The following GARIN3 variants were observed in gnomAD, a reference collection of about 807,000 sequenced individuals.
GARIN3 encodes the protein Golgi-associated RAB2 interactor protein 3.
the GARIN3 span, chr5:157,163,591 G>T: frequency 6.8e-6 from 11 of 1,614,024 alleles, no homozygotes; most frequent in East Asian, 2.0e-4. Context: ...AGAGGTGGCT[G>T]CAGATACATC....
the GARIN3 span, chr5:157,163,791 C>T: frequency 4.1e-6 from 5 of 1,211,510 alleles, no homozygotes; most frequent in South Asian, 1.6e-5. Flanking sequence ...TGTGGTGGCT[C>T]ACGCCTGTAA....
the GARIN3 span, chr5:157,163,330 G>A: frequency 1.7e-5 from 27 of 1,614,058 alleles, no homozygotes; most frequent in African/African-American, 4.0e-5. Context: ...TCCCGCCAGC[G>A]CTGTGGTCAC....
the GARIN3 span, chr5:157,165,499 G>A: frequency 6.5e-7 from 1 of 1,529,866 alleles, no homozygotes; most frequent in Non-Finnish European, 8.7e-7. Flanking sequence ...GGCTTTGTAG[G>A]ACTGGCTTTG....
the GARIN3 span, chr5:157,163,159 T>C: frequency 6.2e-7 from 1 of 1,614,184 alleles, no homozygotes; most frequent in Non-Finnish European, 8.5e-7. Context: ...CAAGCTGCTG[T>C]CTTGGGAGAG....
the GARIN3 span, chr5:157,165,858 C>A: frequency 6.2e-7 from 1 of 1,614,088 alleles, no homozygotes; most frequent in Non-Finnish European, 8.5e-7. Context: ...CTTGGCAAAC[C>A]GGCCCCATCT....
At chr5:157,162,654 A>G in the GARIN3 span, 30 of 1,614,000 alleles carry the variant, frequency 1.9e-5, 1 homozygote, top group South Asian at 3.1e-4. Flanking sequence ...GGCTCCTTAA[A>G]AAAGAGCTGA....
the GARIN3 span, chr5:157,165,726 C>G: frequency 8.7e-6 from 14 of 1,614,168 alleles, no homozygotes; most frequent in Non-Finnish European, 1.2e-5. Context: ...ATAAAAAGTA[C>G]GGCCAGTGGC....
the GARIN3 span, chr5:157,165,652 AGAC>A: frequency 6.2e-7 from 1 of 1,614,202 alleles, no homozygotes. Flanking sequence ...CTCAGGAGAT[AGAC>A]AAGTTTTTCC....
chr5:157,163,534 G>T, the GARIN3 span: 3 of 1,614,114 alleles, frequency 1.9e-6, no homozygotes, highest in Non-Finnish European at 2.5e-6. Context: ...CGCACTAGCC[G>T]TTCCGTGGGA....
chr5:157,163,457 C>A, the GARIN3 span: 2 of 1,614,226 alleles, frequency 1.2e-6, no homozygotes, highest in Admixed American at 3.3e-5. Context: ...CCTGCCACTG[C>A]CATGCCACCT....
the GARIN3 span, chr5:157,162,482 T>G: frequency 6.2e-7 from 1 of 1,614,116 alleles, no homozygotes; most frequent in Non-Finnish European, 8.5e-7. Flanking sequence ...ATCATCTCCG[T>G]CTTCTCGGAT....
At chr5:157,163,122 C>T in the GARIN3 span, 14 of 1,614,060 alleles carry the variant, frequency 8.7e-6, no homozygotes, top group East Asian at 2.2e-5. Context: ...ACTTGCTGGT[C>T]GTAATACTGC....
chr5:157,162,704 C>G, the GARIN3 span: 35 of 1,614,130 alleles, frequency 2.2e-5, no homozygotes, highest in Non-Finnish European at 2.8e-5. Flanking sequence ...GTGCTAGATG[C>G]AGATTGGTTC....
the GARIN3 span, chr5:157,162,472 A>T: frequency 1.2e-6 from 2 of 1,613,876 alleles, no homozygotes; most frequent in African/African-American, 2.7e-5. Flanking sequence ...TTCAAAGACG[A>T]TCATCTCCGT....
At chr5:157,164,360 C>T in the GARIN3 span, among the ~76,000 whole-genome samples, 1 of 152,050 alleles carries the variant, frequency 6.6e-6, no homozygotes, top group African/African-American at 2.4e-5. Context: ...CCATGTTGGC[C>T]AGGCTGGTGT....
chr5:157,163,318 G>T, the GARIN3 span: 8 of 1,613,946 alleles, frequency 5.0e-6, no homozygotes, highest in African/African-American at 1.1e-4. Flanking sequence ...TTTGATAGCT[G>T]CTCCCGCCAG....
At chr5:157,163,487 C>T in the GARIN3 span, 5 of 1,614,236 alleles carry the variant, frequency 3.1e-6, no homozygotes, top group East Asian at 1.1e-4. Context: ...GCTGCTCCTC[C>T]TTCAGCAGCC....
the GARIN3 span, among the ~76,000 whole-genome samples, chr5:157,165,404 G>A: frequency 1.7e-3 from 261 of 152,262 alleles, 2 homozygotes; most frequent in Non-Finnish European, 2.3e-3. Context: ...CTCCCAGTGT[G>A]GTAAGTCCCC....
At chr5:157,162,827 T>G in the GARIN3 span, 310 of 1,614,230 alleles carry the variant, frequency 1.9e-4, no homozygotes, top group African/African-American at 3.5e-3. Context: ...TTTTCTTTTT[T>G]GTCATCTCTC....
Sources: allele counts gnomAD v4.1 joint callset (sites outside exome capture counted in the v4.1 genomes callset), GRCh38; gene constraint gnomAD v4.1.1; transcripts MANE v1.5; gene names NCBI Gene and HGNC (gene_info 2026-07-23, HGNC 2026-07-21).